NBEA: variants seen among roughly 807,000 people sequenced by gnomAD.
NBEA encodes lysosomal-trafficking regulator 2.
NBEA carries 44 observed loss-of-function variants against 343.4 expected under a neutral mutation model. That is an observed-to-expected ratio of 0.13 (90% CI 0.10 to 0.16). The LOEUF is 0.16. NBEA is among the 10% of genes least tolerant of loss of function. The probability of loss-of-function intolerance (pLI) is 1.00; values close to 1 mark genes in which losing one functional copy is unlikely to be tolerated. For synonymous variants in NBEA, 1,175 were observed against 1,238.7 expected (o/e 0.95, Z 1.08); for missense variants, 2,555 against 3,631.3 (o/e 0.70, Z 7.62).
chr13:34,944,697 T>A lies in NBEA; in HGVS notation c.294+1583T>A, dbSNP rs191511644. Among the ~76,000 whole-genome samples the A allele has an allele frequency of 9.2e-5, 14 of 152,236 alleles. No homozygotes were observed. In the East Asian group the frequency reaches 2.7e-3, roughly 29 times the overall value. ...TTAAAAGAAGATAAATCTCAAACTG[T>A]TAGTATGTTAGCAGGTAACTGTATT... On this transcript the variant is annotated intron_variant, in intron 1 of 58. Coordinates refer to ENST00000379939, the MANE Select transcript of NBEA (RefSeq NM_001385012.1).
chr13:35,062,180 C>T (rs1273079169), intron 8 of NBEA, among the ~76,000 whole-genome samples: 2 of 151,118 alleles, frequency 1.3e-5, no homozygotes, highest in South Asian at 2.1e-4. Context: ...AAGTATCAGC[C>T]ATGAAATAAA....
At chr13:35,635,601 A>G (rs1416594661) in intron 49 of NBEA, among the ~76,000 whole-genome samples, 2 of 152,210 alleles carry the variant, frequency 1.3e-5, no homozygotes, top group Non-Finnish European at 2.9e-5. Flanking sequence ...TCATTTTGGG[A>G]ACATGAAAAA....
chr13:35,610,291 G>C (rs1385852795), intron 48 of NBEA, among the ~76,000 whole-genome samples: 19 of 152,152 alleles, frequency 1.2e-4, no homozygotes, highest in Admixed American at 1.2e-3. Context: ...TACTCAGGAG[G>C]CTGAGGTGGG....
At chr13:35,014,967 G>A (rs971692429) in intron 1 of NBEA, among the ~76,000 whole-genome samples, 14 of 151,618 alleles carry the variant, frequency 9.2e-5, no homozygotes, top group Non-Finnish European at 2.1e-4. Context: ...ACAGCTGCAG[G>A]TGTAGTACTG....
At chr13:35,184,746 A>G (rs1200725323) in intron 30 of NBEA, among the ~76,000 whole-genome samples, 1 of 152,128 alleles carries the variant, frequency 6.6e-6, no homozygotes, top group East Asian at 1.9e-4. Flanking sequence ...TGGAAGATAT[A>G]AAGAAAAAAA....
At chr13:35,077,213 A>T (rs185800409) in intron 10 of NBEA, among the ~76,000 whole-genome samples, 4 of 152,254 alleles carry the variant, frequency 2.6e-5, no homozygotes, top group Admixed American at 2.0e-4. Context: ...TTTTAGGTCC[A>T]CAATCTTGTT....
intron 34 of NBEA, among the ~76,000 whole-genome samples, chr13:35,288,862 T>G (rs2035611830): frequency 6.6e-6 from 1 of 151,966 alleles, no homozygotes; most frequent in Non-Finnish European, 1.5e-5. Context: ...CAACAGGTGA[T>G]AAATGTCCCA....
At chr13:35,466,540 T>C (rs1187061021) in intron 40 of NBEA, among the ~76,000 whole-genome samples, 1 of 152,188 alleles carries the variant, frequency 6.6e-6, no homozygotes, top group Non-Finnish European at 1.5e-5. Context: ...CTGTCATAGC[T>C]CCCTGCAGCC....
intron 48 of NBEA, among the ~76,000 whole-genome samples, chr13:35,618,874 T>C (rs2082853252): frequency 2.0e-5 from 3 of 152,042 alleles, no homozygotes; most frequent in Non-Finnish European, 2.9e-5. Flanking sequence ...GATAATCTCA[T>C]CTCGCCCTCA....
chr13:35,294,232 A>G (rs779539685), intron 35 of NBEA, among the ~76,000 whole-genome samples: 2 of 151,878 alleles, frequency 1.3e-5, no homozygotes, highest in Non-Finnish European at 2.9e-5. Context: ...TAAAAGAACC[A>G]CAACTAAAGA....
intron 40 of NBEA, among the ~76,000 whole-genome samples, chr13:35,461,982 T>C (rs9573959): frequency 0.21 from 32,259 of 152,088 alleles, 3,558 homozygotes; most frequent in South Asian, 0.34. Flanking sequence ...ATCAGTCCAA[T>C]AAAAACAAGT....
chr13:35,517,301 C>G (rs1428447740), intron 41 of NBEA, among the ~76,000 whole-genome samples: 1 of 152,240 alleles, frequency 6.6e-6, no homozygotes, highest in East Asian at 1.9e-4. Flanking sequence ...GATCTAATTC[C>G]TTTTCGTGCT....
At position 35,310,888 on chromosome 13, in the gene NBEA, A is replaced by G. The variant is rs537203201; in HGVS notation, c.5903+1296A>G. ...GAAAATTAGTTTCTATATGGTATAG[A>G]TACCCAATTTTTAAAAATTAAATAT... On this transcript the variant is annotated intron_variant, in intron 36 of 58. Transcript: ENST00000379939. 2.0e-3 allele frequency among the ~76,000 whole-genome samples: 302 copies of G among 152,310 alleles called. 2 individuals are homozygous for G. The highest frequency in any genetic ancestry group is 7.0e-3 in the African/African-American group (293 of 41,564).
chr13:35,000,684 T>C (rs2061101682), intron 1 of NBEA, among the ~76,000 whole-genome samples: 1 of 151,366 alleles, frequency 6.6e-6, no homozygotes, highest in South Asian at 2.1e-4. Context: ...CTTTAGGAAA[T>C]AGAGGGGAAG....
In NBEA at chr13:35,478,829, C is replaced by A. The variant is rs560273021; in HGVS notation, c.6585+6293C>A. Among the ~76,000 whole-genome samples, 17 of 152,346 alleles carry A rather than the reference C, an allele frequency of 1.1e-4. No homozygotes were observed. In the East Asian group the frequency reaches 3.1e-3, roughly 28 times the overall value. The stretch of plus-strand genomic sequence containing the variant: ...TTGCCTTCTTGGGCCACCTGCAGAA[C>A]ACCCTTGGTTGTCAAGGACGTGAGA... On this transcript the variant is annotated intron_variant, in intron 41 of 58. Transcript: ENST00000379939.
chr13:35,174,825 A>C (rs9530275), intron 27 of NBEA, among the ~76,000 whole-genome samples: 1 of 150,976 alleles, frequency 6.6e-6, no homozygotes, highest in Admixed American at 6.6e-5. Flanking sequence ...ATGGAGTCTC[A>C]CTCTGTTGCC....
At chr13:35,169,288 G>T (rs2070281493) in intron 25 of NBEA, among the ~76,000 whole-genome samples, 1 of 151,450 alleles carries the variant, frequency 6.6e-6, no homozygotes, top group South Asian at 2.1e-4. Context: ...TAAATTGGAT[G>T]AAATATATTA....
intron 21 of NBEA, 65 bp from the exon 22 acceptor site, chr13:35,158,951 A>G: frequency 1.5e-6 from 2 of 1,313,528 alleles, no homozygotes; most frequent in Non-Finnish European, 2.1e-6. Flanking sequence ...TTTAATTTGT[A>G]TTATTTAGTT....
At chr13:35,608,254 A>G (rs1390098724) in intron 48 of NBEA, among the ~76,000 whole-genome samples, 1 of 152,056 alleles carries the variant, frequency 6.6e-6, no homozygotes, top group Admixed American at 6.6e-5. Flanking sequence ...CTCACTTCTC[A>G]ATCTGTTAAA....
Sources: allele counts gnomAD v4.1 joint callset (sites outside exome capture counted in the v4.1 genomes callset), GRCh38; gene constraint gnomAD v4.1.1; transcripts MANE v1.5; gene names NCBI Gene and HGNC (gene_info 2026-07-23, HGNC 2026-07-21).